Variants in CNTNAP2 observed in about 807,000 individuals in gnomAD.
The protein encoded by CNTNAP2 is contactin associated protein 2, also known as contactin-associated protein-like 2.
Under a neutral mutation model 155.2 loss-of-function variants are expected in CNTNAP2, and 98 were observed. That is an observed-to-expected ratio of 0.63 (90% CI 0.54 to 0.75). The LOEUF (loss-of-function observed/expected upper bound fraction) is 0.75. CNTNAP2 is among the 30% of genes least tolerant of loss of function. The pLI, the probability that CNTNAP2 is intolerant of heterozygous loss-of-function variation, is 0.00. For missense variants in CNTNAP2, 1,727 were observed against 1,688.1 expected (o/e 1.02, Z -0.40); for synonymous variants, 651 against 631.2 (o/e 1.03, Z -0.47).
intron 1 of CNTNAP2, among the ~76,000 whole-genome samples, chr7:146,175,716 T>C (rs186568991): frequency 3.3e-5 from 5 of 152,366 alleles, no homozygotes; most frequent in African/African-American, 1.2e-4. Context: ...TCTTAGTCTT[T>C]ATGTGCTTTT....
chr7:147,349,641 T>A (rs544108021), intron 9 of CNTNAP2, among the ~76,000 whole-genome samples: 5 of 152,026 alleles, frequency 3.3e-5, no homozygotes, highest in African/African-American at 1.2e-4. Context: ...ATATCCCGCA[T>A]TTGATTATAA....
intron 3 of CNTNAP2, among the ~76,000 whole-genome samples, chr7:146,914,016 A>T (rs1322326228): frequency 6.6e-6 from 1 of 152,052 alleles, no homozygotes; most frequent in Non-Finnish European, 1.5e-5. Flanking sequence ...TTGATTTTCC[A>T]TTCCTGAGTT....
chr7:148,227,884 C>T (rs1228115950), intron 19 of CNTNAP2, among the ~76,000 whole-genome samples: 8 of 131,406 alleles, frequency 6.1e-5, no homozygotes, highest in Admixed American at 1.5e-4. Flanking sequence ...AAGAGCACAG[C>T]GTGTGTGTGT....
intron 1 of CNTNAP2, among the ~76,000 whole-genome samples, chr7:146,465,063 G>T (rs1475969365): frequency 6.6e-6 from 1 of 151,902 alleles, no homozygotes; most frequent in Admixed American, 6.6e-5. Flanking sequence ...CAGAAAGATA[G>T]TCAGAAGCCC....
intron 8 of CNTNAP2, among the ~76,000 whole-genome samples, chr7:147,164,976 ATGAC>A (rs1420100950): frequency 6.6e-6 from 1 of 152,204 alleles, no homozygotes; most frequent in Non-Finnish European, 1.5e-5. Context: ...TTGTCAAAGA[ATGAC>A]TGAATCTTAT....
intron 12 of CNTNAP2, among the ~76,000 whole-genome samples, chr7:147,588,253 A>G (rs868712937): frequency 2.0e-5 from 3 of 152,136 alleles, no homozygotes; most frequent in Admixed American, 6.6e-5. Flanking sequence ...GGTGCTGGAT[A>G]TATTTGGACC....
chr7:146,649,329 C>T (rs891024907), intron 1 of CNTNAP2, among the ~76,000 whole-genome samples: 1 of 152,010 alleles, frequency 6.6e-6, no homozygotes, highest in Non-Finnish European at 1.5e-5. Flanking sequence ...TAATGAACAG[C>T]TTCTGCAGTA....
At chr7:146,319,078 G>A (rs982844531) in intron 1 of CNTNAP2, among the ~76,000 whole-genome samples, 8 of 151,992 alleles carry the variant, frequency 5.3e-5, no homozygotes, top group African/African-American at 1.9e-4. Flanking sequence ...CGGCAACCTG[G>A]CTCTAGAGGT....
chr7:146,255,748 TG>T (rs1467239926), intron 1 of CNTNAP2, among the ~76,000 whole-genome samples: 3 of 152,294 alleles, frequency 2.0e-5, no homozygotes, highest in Non-Finnish European at 2.9e-5. Flanking sequence ...TGACTTAACT[TG>T]GGCACAGACT....
chr7:148,374,401 T>C (rs1798944466), intron 21 of CNTNAP2, among the ~76,000 whole-genome samples: 2 of 152,220 alleles, frequency 1.3e-5, no homozygotes, highest in Non-Finnish European at 2.9e-5. Flanking sequence ...GTGAAATGTA[T>C]GAGGTCAACA....
Position 147,911,110 on chromosome 7 carries a change from T to G in CNTNAP2, c.2255+7389T>G, listed in dbSNP as rs1800058659. Among the ~76,000 whole-genome samples the G allele has an allele frequency of 2.0e-5, 3 of 151,206 alleles. 1 individual carries two copies. On this transcript the variant is annotated intron_variant, in intron 14 of 23. Coordinates refer to ENST00000361727, the MANE Select transcript of CNTNAP2 (RefSeq NM_014141.6). Reference sequence around the variant, plus strand: ...AAACGCTATACCCATTGAACAGTAATTCCCCATTTCCCTCTCCTCCTAGCC... The same window carrying G: ...AAACGCTATACCCATTGAACAGTAAGTCCCCATTTCCCTCTCCTCCTAGCC...
Position 148,267,235 on chromosome 7 carries a change from G to A in CNTNAP2, c.3475+109G>A, listed in dbSNP as rs557567768. On this transcript the variant is annotated intron_variant, in intron 21 of 23. Coordinates refer to ENST00000361727, the MANE Select transcript of CNTNAP2 (RefSeq NM_014141.6). The stretch of plus-strand genomic sequence containing the variant: ...AATTTCTCTTACTGGGGCCAGTCAC[G>A]AATATCTTCTCTGTACAGGAAAGTT... The A allele has an allele frequency of 1.7e-4, 157 of 925,734 alleles. No homozygotes were observed. In the African/African-American group the frequency reaches 1.7e-3, roughly 10 times the overall value. The allele number at this position is 925,734 out of a possible 1,614,324, so 57.3% of individuals were successfully genotyped here.
At chr7:146,986,982 T>A (rs894557334) in intron 3 of CNTNAP2, among the ~76,000 whole-genome samples, 2 of 152,112 alleles carry the variant, frequency 1.3e-5, no homozygotes, top group Non-Finnish European at 2.9e-5. Context: ...TAAAGTTGTT[T>A]CGTTCTCTGA....
At chr7:147,407,518 C>T (rs925745010) in intron 10 of CNTNAP2, among the ~76,000 whole-genome samples, 1 of 131,656 alleles carries the variant, frequency 7.6e-6, no homozygotes, top group Non-Finnish European at 1.6e-5. Flanking sequence ...ATACCATACA[C>T]ATGAAGGCAA....
intron 13 of CNTNAP2, among the ~76,000 whole-genome samples, chr7:147,781,948 A>G (rs903988579): frequency 2.0e-5 from 3 of 151,852 alleles, no homozygotes; most frequent in East Asian, 2.0e-4. Context: ...GCGTGAACCC[A>G]GGAGGCGAAG....
intron 16 of CNTNAP2, among the ~76,000 whole-genome samples, chr7:148,134,764 G>C (rs953092987): frequency 6.6e-6 from 1 of 152,122 alleles, no homozygotes; most frequent in Admixed American, 6.5e-5. Context: ...TTATCAGATT[G>C]TAACTTTAAA....
At chr7:146,574,074 T>C (rs1798483951) in intron 1 of CNTNAP2, among the ~76,000 whole-genome samples, 1 of 152,132 alleles carries the variant, frequency 6.6e-6, no homozygotes, top group South Asian at 2.1e-4. Context: ...GAGATACCTG[T>C]CCTATGAGGC....
chr7:147,401,295 C>A (rs1296751214), intron 10 of CNTNAP2, among the ~76,000 whole-genome samples: 1 of 152,114 alleles, frequency 6.6e-6, no homozygotes, highest in Non-Finnish European at 1.5e-5. Context: ...ACATAGCCTA[C>A]AAAATTACCA....
At chr7:147,490,686 A>G (rs1798592230) in intron 11 of CNTNAP2, among the ~76,000 whole-genome samples, 1 of 152,206 alleles carries the variant, frequency 6.6e-6, no homozygotes, top group African/African-American at 2.4e-5. Flanking sequence ...TGCTACAAAA[A>G]CAAGCAGCAT....
Sources: gnomAD v4.1 joint callset for allele counts (sites outside exome capture counted in the v4.1 genomes callset) on GRCh38, gnomAD v4.1.1 for gene constraint, MANE v1.5 for transcripts, NCBI Gene and HGNC (gene_info 2026-07-23, HGNC 2026-07-21) for gene names.